The following CTNNA2 variants were observed in gnomAD, a reference collection of about 807,000 sequenced individuals.
CTNNA2 encodes the protein catenin alpha-2.
CTNNA2 carries 42 observed loss-of-function variants against 101.0 expected under a neutral mutation model. The observed-to-expected ratio is 0.42, with a 90% CI of 0.32 to 0.54. The LOEUF is 0.54. Among genes scored for constraint, CTNNA2 ranks in the 20% least tolerant of loss-of-function variants. The pLI is 0.14. For synonymous variants in CTNNA2, 450 were observed against 456.4 expected (o/e 0.99, Z 0.18); for missense variants, 871 against 1,223.1 (o/e 0.71, Z 4.29).
intron 7 of CTNNA2, among the ~76,000 whole-genome samples, chr2:80,236,150 T>C (rs1372754979): frequency 6.6e-6 from 1 of 152,236 alleles, no homozygotes; most frequent in African/African-American, 2.4e-5. Context: ...CTTGTTCTTT[T>C]TTATGGCTGT....
chr2:79,206,501 C>T (rs13407231), intron 2 of CTNNA2, among the ~76,000 whole-genome samples: 56,126 of 151,932 alleles, frequency 0.37, 10,991 homozygotes, highest in Middle Eastern at 0.47. Context: ...GGCTCTCTTC[C>T]CTCACACTTG....
intron 2 of CTNNA2, among the ~76,000 whole-genome samples, chr2:79,721,656 A>G (rs1376337558): frequency 1.3e-5 from 2 of 152,190 alleles, no homozygotes; most frequent in Admixed American, 6.5e-5. Context: ...CCTGAATATC[A>G]TCTAATAAAA....
Position 80,487,933 on chromosome 2 carries a change from G to T in CTNNA2, c.1291-57049G>T, listed in dbSNP as rs556435166. The stretch of plus-strand genomic sequence containing the variant: ...CCATTGACCTCCTCCAATTTTAGTT[G>T]TGCTAATTTTCATTGTATAGAAGTT... On this transcript the variant is annotated intron_variant, in intron 9 of 18. Transcript: ENST00000402739. Among the ~76,000 whole-genome samples the T allele has an allele frequency of 1.1e-4, 16 of 152,172 alleles. No homozygotes were observed. The South Asian group carries it at 3.1e-3, about 30-fold the overall frequency.
intron 9 of CTNNA2, among the ~76,000 whole-genome samples, chr2:80,481,887 G>A (rs1441071592): frequency 1.3e-5 from 2 of 151,962 alleles, no homozygotes; most frequent in South Asian, 2.1e-4. Flanking sequence ...AACCTAGAAG[G>A]TAAACAAGTG....
At chr2:79,781,525 A>G (rs546360686) in intron 3 of CTNNA2, among the ~76,000 whole-genome samples, 19 of 152,256 alleles carry the variant, frequency 1.2e-4, no homozygotes, top group South Asian at 4.1e-4. Flanking sequence ...TGTATAGCCC[A>G]TTTGCCAAAA....
At chr2:79,771,987 G>A (rs1004538972) in intron 3 of CTNNA2, among the ~76,000 whole-genome samples, 5 of 151,784 alleles carry the variant, frequency 3.3e-5, no homozygotes, top group Non-Finnish European at 7.4e-5. Context: ...CTTTGGATAA[G>A]TTAACCCCCC....
At chr2:79,619,234 A>G (rs1439145846) in intron 1 of CTNNA2, among the ~76,000 whole-genome samples, 1 of 152,164 alleles carries the variant, frequency 6.6e-6, no homozygotes, top group Non-Finnish European at 1.5e-5. Flanking sequence ...GCCACCATAC[A>G]TTATCAGTTT....
intron 2 of CTNNA2, among the ~76,000 whole-genome samples, chr2:79,730,079 T>C (rs553442742): frequency 1.5e-4 from 23 of 152,224 alleles, no homozygotes; most frequent in Admixed American, 1.4e-3. Flanking sequence ...GACAAATATG[T>C]GCTGATCATT....
At chr2:79,608,897 A>C (rs1678080402) in intron 1 of CTNNA2, among the ~76,000 whole-genome samples, 1 of 151,900 alleles carries the variant, frequency 6.6e-6, no homozygotes, top group Admixed American at 6.6e-5. Context: ...GTTCTGGAGG[A>C]CTTAGCCAGT....
chr2:79,261,889 C>T (rs1220302797), intron 2 of CTNNA2, among the ~76,000 whole-genome samples: 1 of 152,196 alleles, frequency 6.6e-6, no homozygotes, highest in East Asian at 1.9e-4. Flanking sequence ...TTTTCACATA[C>T]TGCCTCTGGT....
intron 7 of CTNNA2, among the ~76,000 whole-genome samples, chr2:80,390,734 C>T (rs1346707206): frequency 6.6e-6 from 1 of 152,206 alleles, no homozygotes. Context: ...CAACTCACCT[C>T]ATTCACCCTA....
intron 2 of CTNNA2, among the ~76,000 whole-genome samples, chr2:79,694,722 G>GT (rs1329567506): frequency 2.6e-5 from 4 of 151,852 alleles, no homozygotes; most frequent in African/African-American, 9.7e-5. Context: ...GTGTCAGTTA[G>GT]TTACTGTTCT....
At chr2:80,215,930 A>C (rs1708238960) in intron 7 of CTNNA2, among the ~76,000 whole-genome samples, 1 of 152,064 alleles carries the variant, frequency 6.6e-6, no homozygotes, top group Non-Finnish European at 1.5e-5. Context: ...CTTCCTGACC[A>C]CTTTGTTTTC....
intron 3 of CTNNA2, among the ~76,000 whole-genome samples, chr2:79,808,334 G>A (rs543428124): frequency 6.6e-6 from 1 of 152,154 alleles, no homozygotes; most frequent in African/African-American, 2.4e-5. Context: ...CAGAAAATAT[G>A]TTGGCGAGGC....
intron 7 of CTNNA2, among the ~76,000 whole-genome samples, chr2:79,915,039 A>G (rs1267475547): frequency 6.6e-6 from 1 of 152,052 alleles, no homozygotes; most frequent in African/African-American, 2.4e-5. Context: ...GCCCGGTTTT[A>G]TGGCCTATAC....
At chr2:79,911,602 G>C (rs563888939) in intron 7 of CTNNA2, among the ~76,000 whole-genome samples, 1 of 152,202 alleles carries the variant, frequency 6.6e-6, no homozygotes, top group African/African-American at 2.4e-5. Flanking sequence ...GGCACTTTTT[G>C]TTTTCTGTTC....
At chr2:79,752,995 A>G (rs1203734819) in intron 3 of CTNNA2, among the ~76,000 whole-genome samples, 1 of 152,192 alleles carries the variant, frequency 6.6e-6, no homozygotes, top group African/African-American at 2.4e-5. Flanking sequence ...TAAGAGCAAA[A>G]GCAGATTAGA....
intron 7 of CTNNA2, among the ~76,000 whole-genome samples, chr2:80,194,746 A>G (rs890978998): frequency 1.1e-4 from 16 of 149,718 alleles, no homozygotes; most frequent in African/African-American, 3.9e-4. Context: ...TATTAATTAT[A>G]TAAATTAATT....
chr2:80,514,425 G>A (rs541555295), intron 9 of CTNNA2, among the ~76,000 whole-genome samples: 1 of 152,308 alleles, frequency 6.6e-6, no homozygotes, highest in African/African-American at 2.4e-5. Context: ...GCCTTGTCCT[G>A]TGTGGTGGCC....
Sources: gnomAD v4.1 joint callset for allele counts (sites outside exome capture counted in the v4.1 genomes callset) on GRCh38, gnomAD v4.1.1 for gene constraint, MANE v1.5 for transcripts, NCBI Gene and HGNC (gene_info 2026-07-23, HGNC 2026-07-21) for gene names.